The following SDK1 variants were observed in gnomAD, a reference collection of about 807,000 sequenced individuals.
The protein encoded by SDK1 is protein sidekick-1.
In SDK1, 157 loss-of-function variants were observed where a neutral mutation model predicts 245.5. That is an observed-to-expected ratio of 0.64 (90% CI 0.56 to 0.73). The LOEUF (loss-of-function observed/expected upper bound fraction) is 0.73. Among genes scored for constraint, SDK1 ranks in the 30% least tolerant of loss-of-function variants. The pLI is 0.00. For missense variants in SDK1, 3,583 were observed against 3,002.3 expected (o/e 1.19, Z -4.52); for synonymous variants, 1,647 against 1,278.5 (o/e 1.29, Z -6.15).
chr7:3,909,946 T>C (rs1779106822), intron 5 of SDK1, among the ~76,000 whole-genome samples: 1 of 152,248 alleles, frequency 6.6e-6, no homozygotes, highest in African/African-American at 2.4e-5. Context: ...GAATATTTCA[T>C]GTTAGAAAAA....
intron 2 of SDK1, among the ~76,000 whole-genome samples, chr7:3,622,897 CT>C (rs923035436): frequency 1.4e-4 from 21 of 149,158 alleles, no homozygotes; most frequent in South Asian, 6.4e-4. Flanking sequence ...TCATAGCTTG[CT>C]TTTTTTTTTC....
intron 35 of SDK1, among the ~76,000 whole-genome samples, chr7:4,190,090 G>A (rs568611036): frequency 6.6e-6 from 1 of 152,166 alleles, no homozygotes; most frequent in African/African-American, 2.4e-5. Flanking sequence ...CTTCAGTGAC[G>A]CCAGTTTGAA....
chr7:3,588,653 C>G (rs1780764534), intron 1 of SDK1, among the ~76,000 whole-genome samples: 1 of 152,132 alleles, frequency 6.6e-6, no homozygotes, highest in African/African-American at 2.4e-5. Flanking sequence ...TTAGGGAGAC[C>G]TTTTGGGCAC....
chr7:3,694,305 G>A (rs1284744466), intron 4 of SDK1, among the ~76,000 whole-genome samples: 1 of 152,142 alleles, frequency 6.6e-6, no homozygotes, highest in East Asian at 1.9e-4. Context: ...CTCCTAGGTT[G>A]GGCAGTGCAT....
intron 5 of SDK1, among the ~76,000 whole-genome samples, chr7:3,895,785 A>C (rs1274116951): frequency 6.6e-6 from 1 of 151,956 alleles, no homozygotes; most frequent in Non-Finnish European, 1.5e-5. Context: ...TTGGGTCTTC[A>C]TTTTCTTTCA....
At chr7:3,783,777 A>G (rs1213639742) in intron 4 of SDK1, among the ~76,000 whole-genome samples, 1 of 152,194 alleles carries the variant, frequency 6.6e-6, no homozygotes, top group Non-Finnish European at 1.5e-5. Context: ...TGGCCATACT[A>G]CCAAAACCAA....
At chr7:3,706,053 A>G (rs2115013096) in intron 4 of SDK1, among the ~76,000 whole-genome samples, 1 of 152,266 alleles carries the variant, frequency 6.6e-6, no homozygotes, top group Non-Finnish European at 1.5e-5. Context: ...AATTCTTTTT[A>G]TGTGATATAT....
In SDK1 at chr7:3,383,912, ATCTTATGGGTCACAACACAT is replaced by A. The variant is rs1781549017; in HGVS notation, c.298+82034_298+82053del. On this transcript the variant is annotated intron_variant, in intron 1 of 44. Transcript: ENST00000404826. ...TGTTCAAACCCTTCAGCTGGAGTCA[ATCTTATGGGTCACAACACAT>A]TCTTACATTTCAGAATATAAGACAT... Among the ~76,000 whole-genome samples, 4 of 152,204 alleles carry A rather than the reference ATCTTATGGGTCACAACACAT, an allele frequency of 2.6e-5. No homozygotes were observed. In the South Asian group the frequency reaches 8.3e-4, roughly 32 times the overall value.
chr7:3,866,090 G>C (rs549642608), intron 5 of SDK1, among the ~76,000 whole-genome samples: 126 of 152,332 alleles, frequency 8.3e-4, no homozygotes, highest in Non-Finnish European at 1.5e-3. Flanking sequence ...TATTTTGTTA[G>C]TTGACTTTTT....
At chr7:3,658,468 C>G (rs920355541) in intron 4 of SDK1, among the ~76,000 whole-genome samples, 1 of 151,502 alleles carries the variant, frequency 6.6e-6, no homozygotes, top group South Asian at 2.1e-4. Context: ...TCTTTTAGTT[C>G]ATCTCATGTA....
At chr7:3,671,968 C>T (rs2128663074) in intron 4 of SDK1, among the ~76,000 whole-genome samples, 1 of 152,232 alleles carries the variant, frequency 6.6e-6, no homozygotes, top group South Asian at 2.1e-4. Flanking sequence ...TGATCCATGC[C>T]TACACAGTAG....
chr7:4,038,107 C>T (rs1256857969), intron 17 of SDK1, among the ~76,000 whole-genome samples: 1 of 152,192 alleles, frequency 6.6e-6, no homozygotes, highest in East Asian at 1.9e-4. Context: ...AGGTGACACC[C>T]CTCCCATGGG....
intron 4 of SDK1, among the ~76,000 whole-genome samples, chr7:3,683,814 C>T (rs1210409134): frequency 6.6e-6 from 1 of 152,190 alleles, no homozygotes; most frequent in Non-Finnish European, 1.5e-5. Flanking sequence ...AACCTCTAAT[C>T]TGGAACTAGC....
chr7:3,753,344 A>G (rs1421801368), intron 4 of SDK1, among the ~76,000 whole-genome samples: 1 of 152,230 alleles, frequency 6.6e-6, no homozygotes, highest in Non-Finnish European at 1.5e-5. Context: ...AGCTAAAAAC[A>G]TCACCATCAG....
chr7:4,081,149 G>C (rs1259014995), intron 22 of SDK1, among the ~76,000 whole-genome samples: 1 of 152,198 alleles, frequency 6.6e-6, no homozygotes, highest in Non-Finnish European at 1.5e-5. Flanking sequence ...GCTAGGGCTA[G>C]GCAGGCCACA....
chr7:3,441,196 T>C (rs1780185703), intron 1 of SDK1, among the ~76,000 whole-genome samples: 2 of 152,170 alleles, frequency 1.3e-5, no homozygotes, highest in South Asian at 4.1e-4. Context: ...TTATTACTAG[T>C]TATTGTTAAT....
At chr7:3,986,791 C>T (rs1398959699) in intron 13 of SDK1, among the ~76,000 whole-genome samples, 7 of 152,188 alleles carry the variant, frequency 4.6e-5, no homozygotes, top group African/African-American at 1.4e-4. Flanking sequence ...ACCCAGGAGG[C>T]GGAGGTTGCA....
intron 1 of SDK1, among the ~76,000 whole-genome samples, chr7:3,552,044 T>A (rs955822393): frequency 6.6e-6 from 1 of 151,796 alleles, no homozygotes; most frequent in Admixed American, 6.6e-5. Context: ...CTTCTTCTTC[T>A]TCTTTTTTTT....
At chr7:3,970,662 G>A (rs1170009694) in intron 11 of SDK1, among the ~76,000 whole-genome samples, 2 of 152,218 alleles carry the variant, frequency 1.3e-5, no homozygotes, top group African/African-American at 4.8e-5. Context: ...AGCGACACTA[G>A]CCTGACTGGG....
Sources: gnomAD v4.1 joint callset for allele counts (sites outside exome capture counted in the v4.1 genomes callset) on GRCh38, gnomAD v4.1.1 for gene constraint, MANE v1.5 for transcripts, NCBI Gene and HGNC (gene_info 2026-07-23, HGNC 2026-07-21) for gene names.